GLIS3: variants seen among roughly 807,000 people sequenced by gnomAD.
GLIS3 encodes the protein GLIS family zinc finger 3.
Under a neutral mutation model 78.6 loss-of-function variants are expected in GLIS3, and 53 were observed. That is an observed-to-expected ratio of 0.67 (90% CI 0.54 to 0.85). GLIS3 has a LOEUF of 0.85. GLIS3 is among the 40% of genes least tolerant of loss of function. The pLI, the probability that GLIS3 is intolerant of heterozygous loss-of-function variation, is 0.00. For missense variants in GLIS3, 1,703 were observed against 1,231.1 expected, an observed-to-expected ratio of 1.38 and a Z score of -5.74; for synonymous variants, 684 against 509.9, an observed-to-expected ratio of 1.34 and a Z score of -4.60.
intron 8 of GLIS3, among the ~76,000 whole-genome samples, chr9:3,872,998 T>G (rs1821064922): frequency 6.6e-6 from 1 of 151,892 alleles, no homozygotes; most frequent in South Asian, 2.1e-4. Context: ...TTGGAACATA[T>G]AAATGAAATT....
At chr9:3,831,414 T>C (rs1450647364) in intron 9 of GLIS3, among the ~76,000 whole-genome samples, 1 of 152,090 alleles carries the variant, frequency 6.6e-6, no homozygotes, top group African/African-American at 2.4e-5. Flanking sequence ...ATCAAAACAA[T>C]GATAAAATGT....
At chr9:4,395,481 C>T in the GLIS3 span, among the ~76,000 whole-genome samples, 1 of 152,136 alleles carries the variant, frequency 6.6e-6, no homozygotes, top group Non-Finnish European at 1.5e-5. Flanking sequence ...GTCTGCTACC[C>T]AAATCCAGCT....
the GLIS3 span, among the ~76,000 whole-genome samples, chr9:4,394,576 T>G: frequency 1.3e-5 from 2 of 152,154 alleles, no homozygotes; most frequent in East Asian, 1.9e-4. Flanking sequence ...AATTTACCTG[T>G]AAGTCAGGTT....
intron 4 of GLIS3, among the ~76,000 whole-genome samples, chr9:4,091,994 G>A (rs806040): frequency 0.2 from 29,767 of 151,968 alleles, 4,435 homozygotes; most frequent in African/African-American, 0.42. Context: ...GGGACTGGAA[G>A]TTGTTCTGGG....
chr9:4,267,846 GACA>G (rs1826152628), intron 2 of GLIS3, among the ~76,000 whole-genome samples: 1 of 152,046 alleles, frequency 6.6e-6, no homozygotes, highest in Non-Finnish European at 1.5e-5. Context: ...TAATTCCCAA[GACA>G]ACGTTTCTAC....
the GLIS3 span, among the ~76,000 whole-genome samples, chr9:4,434,114 A>T: frequency 4.1e-5 from 6 of 146,608 alleles, no homozygotes; most frequent in African/African-American, 1.5e-4. Flanking sequence ...AAAAAAAAAG[A>T]ATGGTCTACC....
intron 2 of GLIS3, among the ~76,000 whole-genome samples, chr9:4,130,094 G>C (rs1354173475): frequency 6.6e-6 from 1 of 152,202 alleles, no homozygotes; most frequent in Non-Finnish European, 1.5e-5. Context: ...TGTATCTGGA[G>C]GAAGAAATTT....
At chr9:4,151,212 T>A (rs1240363597) in intron 2 of GLIS3, among the ~76,000 whole-genome samples, 1 of 152,156 alleles carries the variant, frequency 6.6e-6, no homozygotes, top group African/African-American at 2.4e-5. Flanking sequence ...CCAAGTGTCT[T>A]TGAGCCTAGA....
intron 4 of GLIS3, among the ~76,000 whole-genome samples, chr9:4,032,221 A>C (rs2130275253): frequency 6.6e-6 from 1 of 152,336 alleles, no homozygotes; most frequent in East Asian, 1.9e-4. Flanking sequence ...AGGTTTCAAA[A>C]GTGCAGGTGA....
intron 8 of GLIS3, 107 bp from the exon 9 acceptor site, chr9:3,856,291 G>T: frequency 1.0e-6 from 1 of 978,808 alleles, no homozygotes; most frequent in Non-Finnish European, 1.6e-6. Flanking sequence ...ATACAAGAGC[G>T]TGACAACAAG....
At chr9:3,841,918 G>A (rs927354289) in intron 9 of GLIS3, among the ~76,000 whole-genome samples, 2 of 152,170 alleles carry the variant, frequency 1.3e-5, no homozygotes, top group African/African-American at 4.8e-5. Context: ...GGTTCTATCA[G>A]TCATTTTCCC....
intron 2 of GLIS3, among the ~76,000 whole-genome samples, chr9:4,265,742 G>A (rs879643223): frequency 6.6e-6 from 1 of 152,140 alleles, no homozygotes; most frequent in Non-Finnish European, 1.5e-5. Context: ...GGCATCAAAT[G>A]GAACTTCTGT....
intron 4 of GLIS3, among the ~76,000 whole-genome samples, chr9:4,063,089 C>CA (rs57159762): frequency 0.047 from 6,963 of 149,474 alleles, 513 homozygotes; most frequent in African/African-American, 0.16. Flanking sequence ...TCCATATCTG[C>CA]AAAAAAAAAC....
intron 4 of GLIS3, among the ~76,000 whole-genome samples, chr9:4,306,303 G>C (rs4741950): frequency 6.6e-6 from 1 of 151,878 alleles, no homozygotes; most frequent in Non-Finnish European, 1.5e-5. Context: ...GTTTTTCAGG[G>C]TAAAGTTATG....
chr9:4,314,994 G>T (rs1440093632), intron 2 of GLIS3, among the ~76,000 whole-genome samples: 2 of 152,230 alleles, frequency 1.3e-5, no homozygotes, highest in Non-Finnish European at 2.9e-5. Context: ...ACCATAGCTT[G>T]TGAAGCCATT....
intron 4 of GLIS3, among the ~76,000 whole-genome samples, chr9:4,067,141 T>C (rs1005954095): frequency 1.4e-5 from 2 of 147,924 alleles, no homozygotes; most frequent in African/African-American, 5.1e-5. Context: ...GCCATTCATG[T>C]AGACTTAGAA....
chr9:3,998,073 A>C (rs76538158), intron 4 of GLIS3, among the ~76,000 whole-genome samples: 3,066 of 152,166 alleles, frequency 0.02, 130 homozygotes, highest in African/African-American at 0.07. Context: ...GCCTTACATG[A>C]CTGTGGAAAT....
rs149732400 is a variant in GLIS3, at chr9:3,932,852, C to T, written c.1873-382G>A. The T allele has an allele frequency of 1.5e-3, 631 of 414,274 alleles. 7 individuals are homozygous for T. Among genetic ancestry groups the T allele is most frequent in the East Asian group, 0.014 (193 of 13,962 alleles). The allele number at this position is 414,274 out of a possible 1,614,324, so 25.7% of individuals were successfully genotyped here. A position where few individuals can be genotyped will look rare whatever the true frequency, so the allele number is the denominator to read the frequency against. Reference sequence around the variant, plus strand: ...TGTCAGAAACTAGTAAACACATATTCTTTAAGGGTTCAGGTAAAGAAGCTG... The same window carrying T: ...TGTCAGAAACTAGTAAACACATATTTTTTAAGGGTTCAGGTAAAGAAGCTG... On this transcript the variant is annotated intron_variant, in intron 5 of 10. Transcript: ENST00000381971.
At chr9:4,353,352 G>C (rs974579246), upstream of GLIS3, among the ~76,000 whole-genome samples, 6 of 152,030 alleles carry the variant, frequency 3.9e-5, no homozygotes, top group Non-Finnish European at 8.8e-5. Flanking sequence ...GTGAAGTCTC[G>C]GTCCTCTGAT....
Sources: allele counts gnomAD v4.1 joint callset (sites outside exome capture counted in the v4.1 genomes callset), GRCh38; gene constraint gnomAD v4.1.1; transcripts MANE v1.5; gene names NCBI Gene and HGNC (gene_info 2026-07-23, HGNC 2026-07-21).